TOP1: variants seen among roughly 807,000 people sequenced by gnomAD.
TOP1 encodes DNA topoisomerase I, also known as DNA topoisomerase 1.
TOP1 carries 10 observed loss-of-function variants against 111.1 expected under a neutral mutation model. The ratio of observed to expected loss-of-function variants is 0.09; its 90% CI spans 0.06 to 0.15. The LOEUF is 0.15. Among genes scored for constraint, TOP1 ranks in the 10% least tolerant of loss-of-function variants. The pLI is 1.00. For missense variants in TOP1, 474 were observed against 926.7 expected (o/e 0.51, Z 6.34); for synonymous variants, 271 against 302.9 (o/e 0.89, Z 1.10).
At position 41,028,853 on chromosome 20, in the gene TOP1, T is replaced by C. The variant is rs908826201; in HGVS notation, c.-215T>C. On this transcript the variant is annotated 5_prime_UTR_variant, in exon 1 of 21. Coordinates refer to ENST00000361337, the MANE Select transcript of TOP1 (RefSeq NM_003286.4). ...CGAACTTAGGCTGTTACACAACTGC[T>C]GGGGTCTGTTCTCGCCGCCCGCCCG... 7.3e-6 allele frequency: 4 copies of C among 547,462 alleles called. No individual in the cohort carries two copies. Among genetic ancestry groups the C allele is most frequent in the Admixed American group, 3.7e-5 (1 of 27,246 alleles). 33.9% of individuals were successfully genotyped at this position (547,462 alleles called of 1,614,324 possible).
chr20:41,084,807 AG>A (rs1261576472), intron 8 of TOP1, among the ~76,000 whole-genome samples: 3 of 152,248 alleles, frequency 2.0e-5, no homozygotes, highest in Non-Finnish European at 4.4e-5. Flanking sequence ...CTGTAGAAGC[AG>A]ACCTATGTAT....
chr20:41,099,994 A>C, intron 11 of TOP1, 62 bp from the exon 12 acceptor site: 4 of 1,151,954 alleles, frequency 3.5e-6, no homozygotes, highest in African/African-American at 1.5e-5. Flanking sequence ...ACAAGAGATA[A>C]AATGCATTAG....
chr20:41,066,756 G>C (rs2033613460), intron 3 of TOP1, among the ~76,000 whole-genome samples: 2 of 151,814 alleles, frequency 1.3e-5, no homozygotes, highest in African/African-American at 4.8e-5. Context: ...GGGTTTTACT[G>C]TGTTAACCAG....
At chr20:41,120,400 C>T (rs921766508) in intron 18 of TOP1, among the ~76,000 whole-genome samples, 6 of 152,194 alleles carry the variant, frequency 3.9e-5, no homozygotes, top group African/African-American at 7.2e-5. Flanking sequence ...GTGAGCAGCC[C>T]AGTGTGTGTC....
rs1049290741 is a variant in TOP1 at position 41,069,533 on chromosome 20, T to G, written c.156-6638T>G. Reference sequence around the variant, plus strand: ...ACTTCTCTGGGTCTCATTTTCTGTTTTGGTCAAGGGTTGATAACAGTACCT... The same window carrying G: ...ACTTCTCTGGGTCTCATTTTCTGTTGTGGTCAAGGGTTGATAACAGTACCT... On this transcript the variant is annotated intron_variant, in intron 3 of 20. Transcript: ENST00000361337. The surrounding 1 kb of genome is among the most constrained non-coding windows in gnomAD (Gnocchi z 4.1). Among the ~76,000 whole-genome samples, 1 of 152,212 alleles carries G rather than the reference T, an allele frequency of 6.6e-6. No individual in the cohort carries two copies. The highest frequency in any genetic ancestry group is 2.4e-5 in the African/African-American group (1 of 41,456).
chr20:41,066,383 G>A (rs2033607042), intron 3 of TOP1, among the ~76,000 whole-genome samples: 1 of 151,878 alleles, frequency 6.6e-6, no homozygotes, highest in African/African-American at 2.4e-5. Context: ...CTTGATACAT[G>A]CTTCACAGGG....
At position 41,080,664 on chromosome 20, in the gene TOP1, CTT is replaced by C. The variant is rs1407131270; in HGVS notation, c.431+485_431+486del. Among the ~76,000 whole-genome samples the C allele has an allele frequency of 2.6e-5, 4 of 152,028 alleles. No homozygotes were observed. Among genetic ancestry groups the C allele is most frequent in the African/African-American group, 9.7e-5 (4 of 41,376 alleles). ...TTAAATTATATTCATTATTTTCACT[CTT>C]ATATAGCTTACTATGCTATTGTTAT... On this transcript the variant is annotated intron_variant, in intron 6 of 20. Coordinates refer to ENST00000361337, the MANE Select transcript of TOP1 (RefSeq NM_003286.4). This position sits in a 1 kb window ranked among gnomAD's most constrained non-coding sequence, Gnocchi z 5.0.
At position 41,123,243 on chromosome 20, in the gene TOP1, G is replaced by C; in HGVS notation, c.2244G>C (p.Gln748His). The C allele has an allele frequency of 6.2e-7, 1 of 1,614,168 alleles. No individual in the cohort carries two copies. ...TTGAGAAGATTTACAACAAAACCCA[G>C]CGGGAGAAGTTTGCCTGGGCCATTG... ...VPIEKIYNKT[Q>H]REKFAWAIDM... The change falls in exon 21 of 21, where the codon CAG becomes CAC. Residue 748 changes from glutamine (Q) to histidine (H), a missense_variant. Physicochemically the swap from Gln to His is conservative, Grantham distance 24. Around this residue, in one of 14 missense-constraint regions of TOP1, gnomAD observed 26 missense variants for 81.8 expected, o/e 0.32. Coordinates refer to ENST00000361337, the MANE Select transcript of TOP1 (RefSeq NM_003286.4). The surrounding 1 kb of genome is among the most constrained non-coding windows in gnomAD (Gnocchi z 5.8).
chr20:41,123,770 C>G lies in TOP1; in HGVS notation c.*473C>G. On this transcript the variant is annotated 3_prime_UTR_variant, in exon 21 of 21. Coordinates refer to ENST00000361337, the MANE Select transcript of TOP1 (RefSeq NM_003286.4). The surrounding 1 kb of genome is among the most constrained non-coding windows in gnomAD (Gnocchi z 5.8). ...TTCAGGAATTTAAAATTAAGTAGAA[C>G]AAAAAACCCAGCGCACCTGTTAGAG... The G allele has an allele frequency of 8.6e-6, 2 of 232,250 alleles. No individual in the cohort carries two copies. The highest frequency in any genetic ancestry group is 1.7e-5 in the Non-Finnish European group (2 of 117,334). The allele number at this position is 232,250 out of a possible 1,614,324, so 14.4% of individuals were successfully genotyped here.
chr20:41,099,283 G>C (rs1263765416), intron 11 of TOP1, among the ~76,000 whole-genome samples: 2 of 152,150 alleles, frequency 1.3e-5, no homozygotes, highest in Non-Finnish European at 2.9e-5. Flanking sequence ...AATATTCCAA[G>C]TTAGTGAAAT....
chr20:41,055,866 C>A (rs919867105), intron 2 of TOP1, among the ~76,000 whole-genome samples: 1 of 152,166 alleles, frequency 6.6e-6, no homozygotes, highest in Non-Finnish European at 1.5e-5. Flanking sequence ...TTAACACAAA[C>A]CCTCTCTTGG....
chr20:41,117,311 G>C (rs868719620), intron 17 of TOP1, among the ~76,000 whole-genome samples: 2 of 151,834 alleles, frequency 1.3e-5, no homozygotes, highest in Non-Finnish European at 1.5e-5. Context: ...CTCCAGCTTG[G>C]GTGACAGGGT....
At position 41,095,761 on chromosome 20, in the gene TOP1, A is replaced by T. The variant is rs542622149; in HGVS notation, c.731-1459A>T. On this transcript the variant is annotated intron_variant, in intron 9 of 20. Transcript: ENST00000361337. This position sits in a 1 kb window ranked among gnomAD's most constrained non-coding sequence, Gnocchi z 4.6. The stretch of plus-strand genomic sequence containing the variant: ...TAAAGAATGTGGGCAGCCTTGGTGA[A>T]TTATTAATACCTGTGTAATAGTAAG... 4.6e-5 allele frequency among the ~76,000 whole-genome samples: 7 copies of T among 152,340 alleles called. No homozygotes were observed. Among genetic ancestry groups the T allele is most frequent in the African/African-American group, 1.7e-4 (7 of 41,570 alleles).
At chr20:41,113,071 A>T (rs2145964397) in intron 14 of TOP1, 146 bp downstream of exon 14, 2 of 828,386 alleles carry the variant, frequency 2.4e-6, no homozygotes, top group South Asian at 3.8e-5. Flanking sequence ...AGTTGCACAA[A>T]ACAATGCTTA....
intron 8 of TOP1, among the ~76,000 whole-genome samples, chr20:41,090,468 C>G (rs2033906516): frequency 6.6e-6 from 1 of 152,020 alleles, no homozygotes; most frequent in African/African-American, 2.4e-5. Context: ...TTGAAGTGTC[C>G]TTTGATGCAC....
At chr20:41,053,845 T>C (rs1600561602) in intron 2 of TOP1, among the ~76,000 whole-genome samples, 1 of 152,200 alleles carries the variant, frequency 6.6e-6, no homozygotes, top group African/African-American at 2.4e-5. Context: ...CATCCACTTA[T>C]TTCTCTAGAT....
intron 8 of TOP1, among the ~76,000 whole-genome samples, chr20:41,090,772 C>G (rs1021565108): frequency 6.6e-6 from 1 of 152,152 alleles, no homozygotes; most frequent in South Asian, 2.1e-4. Flanking sequence ...TCCCAAAGTG[C>G]GGAGATTACA....
At chr20:41,051,476 C>G (rs1398257380) in intron 2 of TOP1, among the ~76,000 whole-genome samples, 1 of 152,178 alleles carries the variant, frequency 6.6e-6, no homozygotes, top group Admixed American at 6.5e-5. Context: ...ATCCTTTTCT[C>G]CCTTAAGAAA....
At chr20:41,108,324 T>C (rs1361845143) in intron 13 of TOP1, among the ~76,000 whole-genome samples, 5 of 152,196 alleles carry the variant, frequency 3.3e-5, no homozygotes, top group Admixed American at 3.3e-4. Context: ...AGCACAAGCA[T>C]GATGTGAACT....
Sources: allele counts gnomAD v4.1 joint callset (sites outside exome capture counted in the v4.1 genomes callset), GRCh38; gene constraint gnomAD v4.1.1; regional missense constraint gnomAD v4.1.1; non-coding constraint Gnocchi (gnomAD v3.1); transcripts MANE v1.5; gene names NCBI Gene and HGNC (gene_info 2026-07-23, HGNC 2026-07-21).